The following GALNT13 variants were observed in gnomAD, a reference collection of about 807,000 sequenced individuals.
The protein encoded by GALNT13 is UDP-GalNAc:polypeptide N-acetylgalactosaminyltransferase 13.
A neutral mutation model predicts 64.2 loss-of-function variants in GALNT13; 28 were observed. That is an observed-to-expected ratio of 0.44 (90% confidence interval 0.32 to 0.60). The LOEUF (loss-of-function observed/expected upper bound fraction) is 0.60, where lower values mean the gene tolerates loss of function less well. GALNT13 is among the 20% of genes least tolerant of loss of function. The pLI is 0.05. For missense variants in GALNT13, 577 were observed against 669.8 expected (o/e 0.86, Z 1.53); for synonymous variants, 214 against 224.6 (o/e 0.95, Z 0.42).
chr2:153,990,380 C>T (rs1392068221), intron 3 of GALNT13, among the ~76,000 whole-genome samples: 1 of 152,064 alleles, frequency 6.6e-6, no homozygotes, highest in African/African-American at 2.4e-5. Flanking sequence ...AAGACTTTCC[C>T]ACACTTAATT....
At chr2:153,894,869 TG>T (rs1457220596) in intron 1 of GALNT13, among the ~76,000 whole-genome samples, 1 of 152,176 alleles carries the variant, frequency 6.6e-6, no homozygotes, top group Non-Finnish European at 1.5e-5. Flanking sequence ...CATGCTGTTC[TG>T]ATCAACCAGC....
At chr2:153,242,271 T>G in the GALNT13 span, among the ~76,000 whole-genome samples, 2 of 152,172 alleles carry the variant, frequency 1.3e-5, no homozygotes, top group African/African-American at 2.4e-5. Context: ...TAACTGCCAT[T>G]TATTGAGCTT....
the GALNT13 span, among the ~76,000 whole-genome samples, chr2:153,826,470 C>A: frequency 6.6e-6 from 1 of 152,178 alleles, no homozygotes. Flanking sequence ...CAAACCCTAG[C>A]AATTGGTAAT....
the GALNT13 span, among the ~76,000 whole-genome samples, chr2:153,727,728 T>C: frequency 1.4e-5 from 2 of 145,708 alleles, no homozygotes; most frequent in Non-Finnish European, 3.0e-5. Context: ...GCACTTTTTT[T>C]CTTTTTTTTT....
At chr2:153,447,145 C>A in the GALNT13 span, among the ~76,000 whole-genome samples, 1 of 151,966 alleles carries the variant, frequency 6.6e-6, no homozygotes, top group South Asian at 2.1e-4. Context: ...TAACTGCAAG[C>A]GTAAACATAA....
the GALNT13 span, among the ~76,000 whole-genome samples, chr2:153,142,261 G>T: frequency 6.6e-6 from 1 of 152,038 alleles, no homozygotes; most frequent in Non-Finnish European, 1.5e-5. Flanking sequence ...TGTTAACACT[G>T]CTGGAATTCT....
At chr2:154,109,041 A>G (rs1425348967) in intron 3 of GALNT13, among the ~76,000 whole-genome samples, 1 of 152,032 alleles carries the variant, frequency 6.6e-6, no homozygotes, top group Admixed American at 6.6e-5. Context: ...TTGGTTTCCT[A>G]TGTAAATTAG....
At chr2:153,349,808 C>T in the GALNT13 span, among the ~76,000 whole-genome samples, 1 of 152,070 alleles carries the variant, frequency 6.6e-6, no homozygotes, top group Non-Finnish European at 1.5e-5. Context: ...TGGCTCAAAT[C>T]CCATGCAAAC....
At chr2:154,113,089 G>T (rs116367208) in intron 3 of GALNT13, among the ~76,000 whole-genome samples, 1 of 152,122 alleles carries the variant, frequency 6.6e-6, no homozygotes, top group African/African-American at 2.4e-5. Context: ...TTGATGACCC[G>T]TAGGCAAACA....
chr2:153,914,961 C>T (rs925279814), intron 2 of GALNT13, among the ~76,000 whole-genome samples: 1 of 152,096 alleles, frequency 6.6e-6, no homozygotes, highest in Non-Finnish European at 1.5e-5. Flanking sequence ...TAGACATGGC[C>T]TGTGCACCTG....
rs150068860 is a variant in GALNT13, at chr2:153,992,446, G to A, written c.142+47807G>A. 3.9e-3 allele frequency among the ~76,000 whole-genome samples: 593 copies of A among 152,232 alleles called. 2 individuals are homozygous for A. Among genetic ancestry groups the A allele is most frequent in the African/African-American group, 0.014 (568 of 41,546 alleles). The stretch of plus-strand genomic sequence containing the variant: ...ATGCATGTTGGCACTTTACTGTATA[G>A]GAAACATATCTGGACCTAAAATGGA... On this transcript the variant is annotated intron_variant, in intron 3 of 12. Coordinates refer to ENST00000392825, the MANE Select transcript of GALNT13 (RefSeq NM_052917.4).
chr2:154,313,468 T>C (rs1375288662), intron 9 of GALNT13, among the ~76,000 whole-genome samples: 1 of 150,958 alleles, frequency 6.6e-6, no homozygotes, highest in East Asian at 2.0e-4. Flanking sequence ...TATAAATACA[T>C]ATATTTAGAT....
the GALNT13 span, among the ~76,000 whole-genome samples, chr2:153,708,254 G>T: frequency 6.6e-6 from 1 of 152,076 alleles, no homozygotes; most frequent in African/African-American, 2.4e-5. Context: ...TCTGGAAAAT[G>T]ATAATGATAA....
At chr2:153,983,524 G>T (rs1694605966) in intron 3 of GALNT13, among the ~76,000 whole-genome samples, 1 of 151,748 alleles carries the variant, frequency 6.6e-6, no homozygotes, top group East Asian at 1.9e-4. Flanking sequence ...GGAGTTATCT[G>T]GTAAAGTGAA....
the GALNT13 span, among the ~76,000 whole-genome samples, chr2:153,528,285 T>A: frequency 3.9e-5 from 6 of 151,990 alleles, no homozygotes; most frequent in Admixed American, 3.9e-4. Flanking sequence ...GCTATACTTT[T>A]ATCAGATAAA....
At chr2:153,266,794 T>C in the GALNT13 span, among the ~76,000 whole-genome samples, 357 of 152,266 alleles carry the variant, frequency 2.3e-3, no homozygotes, top group Non-Finnish European at 4.3e-3. Context: ...CATTCACTGG[T>C]GGTCCCTCCC....
chr2:153,200,823 A>G, the GALNT13 span, among the ~76,000 whole-genome samples: 2 of 152,238 alleles, frequency 1.3e-5, no homozygotes, highest in South Asian at 4.1e-4. Context: ...GGAGGGAAAG[A>G]TCAGCACAAG....
At chr2:153,443,824 G>C in the GALNT13 span, among the ~76,000 whole-genome samples, 1 of 152,082 alleles carries the variant, frequency 6.6e-6, no homozygotes, top group African/African-American at 2.4e-5. Context: ...TCAGGAGGCT[G>C]AGACAGGAGA....
chr2:154,378,079 T>C (rs2105325824), intron 9 of GALNT13, among the ~76,000 whole-genome samples: 1 of 152,192 alleles, frequency 6.6e-6, no homozygotes, highest in African/African-American at 2.4e-5. Context: ...TATACGCTGC[T>C]CAGATTTCAG....
Sources: gnomAD v4.1 joint callset for allele counts (sites outside exome capture counted in the v4.1 genomes callset) on GRCh38, gnomAD v4.1.1 for gene constraint, MANE v1.5 for transcripts, NCBI Gene and HGNC (gene_info 2026-07-23, HGNC 2026-07-21) for gene names.